The following MLIP variants were observed in gnomAD, a reference collection of about 807,000 sequenced individuals.
The protein encoded by MLIP is muscular LMNA interacting protein.
MLIP carries 79 observed loss-of-function variants against 84.8 expected under a neutral mutation model. That is an observed-to-expected ratio of 0.93 (90% CI 0.78 to 1.12). MLIP has a LOEUF of 1.12. Among genes scored for constraint, MLIP ranks in the 50% most tolerant of loss-of-function variants. MLIP has a pLI of 0.00. For missense variants in MLIP, 1,257 were observed against 1,160.6 expected (o/e 1.08, Z -1.21); for synonymous variants, 504 against 463.0 (o/e 1.09, Z -1.14).
At chr6:54,152,257 C>T (rs1469082950) in intron 5 of MLIP, among the ~76,000 whole-genome samples, 2 of 151,998 alleles carry the variant, frequency 1.3e-5, no homozygotes, top group African/African-American at 4.8e-5. Context: ...TGTGACTGTC[C>T]ATAGACTTTA....
chr6:54,075,247 CAA>C (rs35589839), intron 1 of MLIP, among the ~76,000 whole-genome samples: 2,844 of 93,772 alleles, frequency 0.03, 52 homozygotes, highest in African/African-American at 0.087. Flanking sequence ...AACTCCGTCT[CAA>C]AAAAAAAAAA....
chr6:54,192,501 A>G lies in MLIP; in HGVS notation c.2589+2587A>G, dbSNP rs531789506. ...TTTACACTTAAGTAACACTATTTATAAAGTTATAATTTTTTCATTTTTATG... is the reference window on the plus strand; with the variant it reads ...TTTACACTTAAGTAACACTATTTATGAAGTTATAATTTTTTCATTTTTATG... On this transcript the variant is annotated intron_variant, in intron 10 of 13. Transcript: ENST00000502396. Among the ~76,000 whole-genome samples the G allele has an allele frequency of 3.9e-5, 6 of 152,124 alleles. No individual in the cohort carries two copies. In the East Asian group the frequency reaches 1.2e-3, roughly 29 times the overall value.
chr6:54,251,012 C>T (rs185613263), intron 12 of MLIP, among the ~76,000 whole-genome samples: 4 of 152,112 alleles, frequency 2.6e-5, no homozygotes, highest in Non-Finnish European at 4.4e-5. Flanking sequence ...CAGGTGACAA[C>T]GTCTGTTCAC....
At chr6:54,119,721 C>T (rs892423402) in intron 1 of MLIP, among the ~76,000 whole-genome samples, 2 of 152,078 alleles carry the variant, frequency 1.3e-5, no homozygotes, top group Non-Finnish European at 1.5e-5. Flanking sequence ...ATGATAATTA[C>T]GTGAGGAACT....
At chr6:54,043,806 G>T (rs990571508) in intron 1 of MLIP, among the ~76,000 whole-genome samples, 1 of 152,196 alleles carries the variant, frequency 6.6e-6, no homozygotes, top group Non-Finnish European at 1.5e-5. Context: ...GGAATGTCAG[G>T]TGACCAAAAT....
chr6:54,038,341 T>C (rs558127662), intron 1 of MLIP, among the ~76,000 whole-genome samples: 2 of 151,904 alleles, frequency 1.3e-5, no homozygotes, highest in African/African-American at 2.4e-5. Context: ...TCTAGGAGGC[T>C]GATGTCAAAA....
chr6:54,117,042 A>G (rs1769983422), intron 1 of MLIP, among the ~76,000 whole-genome samples: 1 of 152,184 alleles, frequency 6.6e-6, no homozygotes, highest in Admixed American at 6.5e-5. Context: ...ACAAAATTTA[A>G]CATTCCTTCA....
chr6:54,100,460 T>G (rs1768560133), intron 1 of MLIP, among the ~76,000 whole-genome samples: 1 of 152,156 alleles, frequency 6.6e-6, no homozygotes, highest in Non-Finnish European at 1.5e-5. Context: ...TTTTTAAAAA[T>G]GTTTTCCTCA....
chr6:54,206,501 G>A (rs1451128937), intron 11 of MLIP, among the ~76,000 whole-genome samples: 1 of 151,948 alleles, frequency 6.6e-6, no homozygotes, highest in Non-Finnish European at 1.5e-5. Context: ...GTTTAAATGG[G>A]AGAGAGAACA....
intron 1 of MLIP, among the ~76,000 whole-genome samples, chr6:54,026,739 G>GTGTA (rs1366316847): frequency 1.3e-5 from 2 of 150,212 alleles, no homozygotes; most frequent in Non-Finnish European, 3.0e-5. Context: ...GTGTGTGTGT[G>GTGTA]TGTTGATGGT....
chr6:54,105,282 G>A (rs916238391), intron 1 of MLIP, among the ~76,000 whole-genome samples: 9 of 152,036 alleles, frequency 5.9e-5, no homozygotes, highest in African/African-American at 9.7e-5. Flanking sequence ...TCTTTAGCCC[G>A]TATACGTTTG....
At position 54,124,713 on chromosome 6, in the gene MLIP, A is replaced by G. The variant is rs1443538035; in HGVS notation, c.493A>G (p.Ile165Val). ...AGTTGAACAAGGCCCCCCAGGGGGGATTGGCACCGCAGCTGTCCGGCCCAA... is the reference window on the plus strand; with the variant it reads ...AGTTGAACAAGGCCCCCCAGGGGGGGTTGGCACCGCAGCTGTCCGGCCCAA... ...RKVEQGPPGGIGTAAVRPKSL... is the reference protein window; with the variant it reads ...RKVEQGPPGGVGTAAVRPKSL... The change falls in exon 3 of 14, where the codon ATT becomes GTT. Residue 165 changes from isoleucine (I) to valine (V), a missense_variant. Ile to Val is a conservative substitution (Grantham distance 29, BLOSUM62 3). Coordinates refer to ENST00000502396, the MANE Select transcript of MLIP (RefSeq NM_001281747.2). 2.0e-5 allele frequency: 32 copies of G among 1,614,138 alleles called. No individual in the cohort carries two copies. Among genetic ancestry groups the G allele is most frequent in the Non-Finnish European group, 2.7e-5 (32 of 1,180,018 alleles).
intron 12 of MLIP, among the ~76,000 whole-genome samples, chr6:54,256,317 G>A (rs991127999): frequency 5.3e-5 from 8 of 152,118 alleles, no homozygotes; most frequent in African/African-American, 1.9e-4. Flanking sequence ...TCTTCCCCTG[G>A]GTAGGCTAAA....
chr6:54,198,985 G>T (rs1007451440), intron 10 of MLIP, among the ~76,000 whole-genome samples: 5 of 151,936 alleles, frequency 3.3e-5, no homozygotes, highest in Non-Finnish European at 7.4e-5. Context: ...GATAACATTA[G>T]GTCCTAAATG....
chr6:54,113,525 T>G (rs1769655219), intron 1 of MLIP, among the ~76,000 whole-genome samples: 3 of 152,136 alleles, frequency 2.0e-5, no homozygotes, highest in Admixed American at 1.3e-4. Context: ...TATTTTGACA[T>G]GGATACAATG....
chr6:54,107,838 C>T (rs1769128488), upstream of MLIP, among the ~76,000 whole-genome samples: 1 of 152,084 alleles, frequency 6.6e-6, no homozygotes, highest in Non-Finnish European at 1.5e-5. Flanking sequence ...ATAAATGGGA[C>T]TTCTGGTACC....
intron 1 of MLIP, among the ~76,000 whole-genome samples, chr6:54,023,182 TA>T (rs375506293): frequency 0.55 from 80,797 of 147,936 alleles, 23,892 homozygotes; most frequent in Non-Finnish European, 0.68. Flanking sequence ...ATAATAATAA[TA>T]ATAATAATAA....
chr6:54,236,607 A>T (rs202208236), intron 12 of MLIP, among the ~76,000 whole-genome samples: 1 of 22 alleles, frequency 0.045, no homozygotes, highest in East Asian at 0.5. Context: ...AGTCTAAAAG[A>T]AAAAAAAAAA....
chr6:54,223,874 T>C (rs1336781532), intron 11 of MLIP, among the ~76,000 whole-genome samples: 1 of 152,066 alleles, frequency 6.6e-6, no homozygotes, highest in Non-Finnish European at 1.5e-5. Context: ...AATGAAATCA[T>C]TATTTTTCAA....
Sources: allele counts gnomAD v4.1 joint callset (sites outside exome capture counted in the v4.1 genomes callset), GRCh38; gene constraint gnomAD v4.1.1; transcripts MANE v1.5; gene names NCBI Gene and HGNC (gene_info 2026-07-23, HGNC 2026-07-21).